SGK1: variants seen among roughly 807,000 people sequenced by gnomAD.
The protein encoded by SGK1 is serine/threonine-protein kinase Sgk1.
A neutral mutation model predicts 64.2 loss-of-function variants in SGK1; 26 were observed. The ratio of observed to expected loss-of-function variants is 0.40; its 90% confidence interval spans 0.30 to 0.56. The LOEUF is 0.56. Among genes scored for constraint, SGK1 ranks in the 20% least tolerant of loss-of-function variants. SGK1 has a pLI of 0.38. For missense variants in SGK1, 519 were observed against 645.6 expected (o/e 0.80, Z 2.12); for synonymous variants, 265 against 239.7 (o/e 1.11, Z -0.98).
In SGK1 at chr6:134,170,448, G is replaced by C; in HGVS notation, c.1414-13C>G. 6.2e-7 allele frequency: 1 copy of C among 1,603,858 alleles called. No individual in the cohort carries two copies. The highest frequency in any genetic ancestry group is 1.3e-5 in the African/African-American group (1 of 74,602). On this transcript the variant is annotated splice_polypyrimidine_tract_variant and intron_variant, in intron 13 of 13. Transcript: ENST00000367858. ...CGTTGGGCCCACTCTGTGACGGGAA[G>C]GGAAAAACACTCTTGTCAAGAACTC... is the stretch of plus-strand genomic sequence containing the variant.
At chr6:134,272,631 C>T (rs1200129995) in intron 1 of SGK1, among the ~76,000 whole-genome samples, 2 of 147,778 alleles carry the variant, frequency 1.4e-5, no homozygotes, top group Non-Finnish European at 3.0e-5. Context: ...CTTTCACCAC[C>T]ACCCAACTCT....
At chr6:134,173,620 T>C (rs1775109044) in intron 5 of SGK1, 54 bp from the exon 6 acceptor site, 3 of 1,209,968 alleles carry the variant, frequency 2.5e-6, no homozygotes, top group Admixed American at 2.3e-5. Flanking sequence ...AAGGAAGACA[T>C]CTATAACATA....
chr6:134,317,277 G>C, intron 1 of SGK1, 115 bp downstream of exon 1: 1 of 765,430 alleles, frequency 1.3e-6, no homozygotes, highest in Non-Finnish European at 2.4e-6. Context: ...GCCATCAGAA[G>C]CACGGCTTAC....
intron 1 of SGK1, chr6:134,298,527 G>T: frequency 1.2e-6 from 1 of 802,496 alleles, no homozygotes; most frequent in Non-Finnish European, 2.2e-6. Context: ...CATGCCGCTG[G>T]CCCCACCATA....
chr6:134,210,235 A>G (rs1186363944), intron 2 of SGK1, among the ~76,000 whole-genome samples: 1 of 152,242 alleles, frequency 6.6e-6, no homozygotes, highest in Non-Finnish European at 1.5e-5. Context: ...CTCAGAAAGA[A>G]ATCATACCAT....
chr6:134,205,467 T>C (rs945991592), intron 3 of SGK1, among the ~76,000 whole-genome samples: 4 of 151,962 alleles, frequency 2.6e-5, no homozygotes, highest in African/African-American at 9.7e-5. Flanking sequence ...TCACTTTCCT[T>C]CTCAAGTCCT....
intron 2 of SGK1, among the ~76,000 whole-genome samples, chr6:134,255,294 A>G (rs928533721): frequency 6.6e-5 from 10 of 152,286 alleles, no homozygotes; most frequent in Middle Eastern, 3.4e-3. Context: ...CATTTCCAAC[A>G]TTGCAATGGA....
At chr6:134,249,938 C>T (rs1042936848) in intron 2 of SGK1, among the ~76,000 whole-genome samples, 4 of 152,122 alleles carry the variant, frequency 2.6e-5, no homozygotes, top group African/African-American at 9.7e-5. Context: ...ATGCATTTAA[C>T]GTTTTCTAAT....
At chr6:134,294,295 G>A (rs1777308155) in intron 1 of SGK1, among the ~76,000 whole-genome samples, 1 of 151,984 alleles carries the variant, frequency 6.6e-6, no homozygotes, top group Non-Finnish European at 1.5e-5. Flanking sequence ...GGTCACATTA[G>A]TACAATGACG....
chr6:134,173,515 T>TAAA lies in SGK1; in HGVS notation c.564_565insTTT (p.Ala188_Lys189insPhe). On this transcript the variant is annotated inframe_insertion, in exon 6 of 14. Transcript: ENST00000367858. ...TTCAAGAAGTGAAAGTCAGATGGTT[T>TAAA]AGCATGAGGATTGGACGACGGGCCA... 1.9e-6 allele frequency: 3 copies of TAAA among 1,613,364 alleles called. No homozygotes were observed. The highest frequency in any genetic ancestry group is 2.5e-6 in the Non-Finnish European group (3 of 1,179,842).
At chr6:134,265,614 A>T (rs1308433239) in intron 1 of SGK1, among the ~76,000 whole-genome samples, 1 of 132,988 alleles carries the variant, frequency 7.5e-6, no homozygotes, top group African/African-American at 3.2e-5. Flanking sequence ...TATTTTATAT[A>T]TATACATATA....
chr6:134,281,960 G>A (rs1481114604), intron 1 of SGK1, among the ~76,000 whole-genome samples: 2 of 152,174 alleles, frequency 1.3e-5, no homozygotes, highest in Non-Finnish European at 2.9e-5. Context: ...TGGGATGAGA[G>A]AGACTGGTTT....
chr6:134,260,825 A>G (rs1185747594), intron 2 of SGK1: 6 of 152,190 alleles, frequency 3.9e-5, no homozygotes, highest in Non-Finnish European at 5.9e-5. Context: ...TTACCTTGCT[A>G]AAAATAAAAA....
intron 1 of SGK1, among the ~76,000 whole-genome samples, chr6:134,285,250 G>T (rs752973062): frequency 5.9e-5 from 9 of 152,140 alleles, no homozygotes; most frequent in Admixed American, 2.0e-4. Context: ...CCTGAGGTCG[G>T]CAGATTGCCT....
chr6:134,207,391 G>C lies in SGK1; in HGVS notation c.326C>G (p.Pro109Arg). ...ATTAGTCCAGAAGGTTCTTGGATCG[G>C]GCTTGGTCAGGATGTTGGCATGATT... The part of the protein sequence containing the change: ...PCNHANILTK[P>R]DPRTFWTNDD... Residue 109 changes from proline to arginine, a missense_variant, in exon 3 of 14, where the codon CCC becomes CGC. Pro to Arg is a moderately radical substitution (Grantham distance 103). This residue lies in a region of SGK1 where 241 missense variants were observed against 236.9 expected (regional missense o/e 1.02). Coordinates refer to ENST00000367858, the MANE Select transcript of SGK1 (RefSeq NM_001143676.3). 1 of 1,612,438 alleles carries C rather than the reference G, an allele frequency of 6.2e-7. No homozygotes were observed. Among genetic ancestry groups the C allele is most frequent in the Non-Finnish European group, 8.5e-7 (1 of 1,178,646 alleles).
At chr6:134,172,966 A>G (rs1775079907) in intron 8 of SGK1, 57 bp downstream of exon 8, 2 of 1,560,074 alleles carry the variant, frequency 1.3e-6, no homozygotes, top group Non-Finnish European at 1.7e-6. Context: ...TTCTCAAACT[A>G]AAACAAAGCA....
intron 11 of SGK1, 66 bp downstream of exon 11, chr6:134,171,571 T>C: frequency 8.8e-7 from 1 of 1,139,254 alleles, no homozygotes; most frequent in East Asian, 2.4e-5. Flanking sequence ...TGGCCAAGCA[T>C]GGGCTGTGTG....
chr6:134,177,083 G>T (rs138121953), intron 3 of SGK1, among the ~76,000 whole-genome samples: 77 of 152,200 alleles, frequency 5.1e-4, no homozygotes, highest in African/African-American at 1.7e-3. Context: ...GCGTGGTGGC[G>T]TGCGCCTGTA....
chr6:134,215,742 C>T (rs1257155830), intron 2 of SGK1, among the ~76,000 whole-genome samples: 1 of 152,002 alleles, frequency 6.6e-6, no homozygotes, highest in Admixed American at 6.5e-5. Flanking sequence ...TTAGGCCAGG[C>T]GTGGTGGCTC....
Sources: allele counts gnomAD v4.1 joint callset (sites outside exome capture counted in the v4.1 genomes callset), GRCh38; gene constraint gnomAD v4.1.1; regional missense constraint gnomAD v4.1.1; transcripts MANE v1.5; gene names NCBI Gene and HGNC (gene_info 2026-07-23, HGNC 2026-07-21).